The following IGSF23 variants were observed in gnomAD, a reference collection of about 807,000 sequenced individuals.
The protein encoded by IGSF23 is immunoglobulin superfamily, member 23.
A neutral mutation model predicts 17.8 loss-of-function variants in IGSF23; 14 were observed. That is an observed-to-expected ratio of 0.79 (90% CI 0.52 to 1.23). The LOEUF (loss-of-function observed/expected upper bound fraction) is 1.23. IGSF23 is among the 50% of genes most tolerant of loss of function. The pLI is 0.00. For synonymous variants in IGSF23, 85 were observed against 92.5 expected, an observed-to-expected ratio of 0.92 and a Z score of 0.46; for missense variants, 214 against 241.7, an observed-to-expected ratio of 0.89 and a Z score of 0.76.
At chr19:44,623,603 T>A in intron 1 of IGSF23, 104 bp from the exon 2 acceptor site, 1 of 1,162,122 alleles carries the variant, frequency 8.6e-7, no homozygotes. Flanking sequence ...AATGAATGAA[T>A]GAACACATGA....
chr19:44,618,588 C>G (rs1200990789), intron 1 of IGSF23, among the ~76,000 whole-genome samples: 4 of 152,178 alleles, frequency 2.6e-5, no homozygotes, highest in Admixed American at 2.6e-4. Flanking sequence ...TTGTGTTCAG[C>G]TGTTGGGGTG....
chr19:44,617,943 C>T, intron 1 of IGSF23: 1 of 364,730 alleles, frequency 2.7e-6, no homozygotes, highest in South Asian at 2.0e-5. Context: ...GAGAAGTCAG[C>T]CTTTCAGGCA....
intron 1 of IGSF23, chr19:44,618,089 A>T (rs759804730): frequency 1.1e-5 from 5 of 470,896 alleles, no homozygotes; most frequent in Admixed American, 2.4e-5. Flanking sequence ...CCCTGCTCAC[A>T]TCCTGCACCT....
intron 2 of IGSF23, among the ~76,000 whole-genome samples, chr19:44,624,899 C>CAA (rs71171273): frequency 0.02 from 1,791 of 87,612 alleles, 25 homozygotes; most frequent in Non-Finnish European, 0.03. Flanking sequence ...CTGTCTCTAC[C>CAA]AAAAAAAAAA....
chr19:44,623,550 C>A (rs1187171787), intron 1 of IGSF23, among the ~76,000 whole-genome samples, 157 bp from the exon 2 acceptor site: 1 of 152,186 alleles, frequency 6.6e-6, no homozygotes, highest in Non-Finnish European at 1.5e-5. Context: ...ACTGGGGGCA[C>A]TGGGCACAGA....
intron 3 of IGSF23, among the ~76,000 whole-genome samples, chr19:44,635,053 C>T (rs958572523): frequency 6.6e-6 from 1 of 152,164 alleles, no homozygotes; most frequent in African/African-American, 2.4e-5. Flanking sequence ...AGTCTGGATG[C>T]TGGAAGTCCA....
Position 44,629,351 on chromosome 19 carries a change from A to G in IGSF23, c.545+1778A>G, listed in dbSNP as rs75331360. ...AGGATCACTTGAGCCTAGGAGTTTG[A>G]GACCGGCCTGGGCAACATAGTGAGA... On this transcript the variant is annotated intron_variant, in intron 3 of 4. Coordinates refer to ENST00000402988, the MANE Select transcript of IGSF23 (RefSeq NM_001205280.2). Among the ~76,000 whole-genome samples, 1,283 of 152,224 alleles carry G rather than the reference A, an allele frequency of 8.4e-3. 23 individuals carry two copies. The highest frequency in any genetic ancestry group is 0.029 in the African/African-American group (1,210 of 41,532).
At position 44,613,660 on chromosome 19, in the gene IGSF23, T is replaced by G. The variant is rs573654181; in HGVS notation, c.15T>G (p.Pro5=). The change falls in exon 1 of 5, where the codon CCT becomes CCG. Residue 5 remains proline, a synonymous_variant. Transcript: ENST00000402988. MRAK[P]QSPLPRNPVP... The stretch of plus-strand genomic sequence containing the variant: ...ACGGTGAGAGAATGAGAGCAAAACC[T>G]CAGAGCCCCCTTCCCAGGAACCCTG... The G allele has an allele frequency of 6.5e-7, 1 of 1,548,886 alleles. No individual in the cohort carries two copies. Among genetic ancestry groups the G allele is most frequent in the African/African-American group, 1.4e-5 (1 of 73,116 alleles).
intron 3 of IGSF23, among the ~76,000 whole-genome samples, chr19:44,628,888 AC>A (rs1448802057): frequency 6.6e-6 from 1 of 152,180 alleles, no homozygotes; most frequent in Non-Finnish European, 1.5e-5. Flanking sequence ...CCTCCCTGGG[AC>A]AGTGACATTT....
chr19:44,635,881 T>C (rs1972878634), intron 4 of IGSF23, among the ~76,000 whole-genome samples: 1 of 152,258 alleles, frequency 6.6e-6, no homozygotes, highest in Admixed American at 6.5e-5. Flanking sequence ...CAGCCATTTA[T>C]TTAGCTTGCA....
intron 1 of IGSF23, among the ~76,000 whole-genome samples, chr19:44,622,217 A>AT (rs1972538515): frequency 6.6e-6 from 1 of 151,932 alleles, no homozygotes; most frequent in Non-Finnish European, 1.5e-5. Flanking sequence ...AGAAAAAAAA[A>AT]AAAAAAAGAG....
chr19:44,629,575 A>T (rs1472705987), intron 3 of IGSF23, among the ~76,000 whole-genome samples: 2 of 152,036 alleles, frequency 1.3e-5, no homozygotes, highest in Non-Finnish European at 2.9e-5. Context: ...AAATTAAAAA[A>T]ATAATGTTTT....
intron 3 of IGSF23, 50 bp downstream of exon 3, chr19:44,627,623 C>G (rs1020048924): frequency 7.6e-5 from 115 of 1,509,754 alleles, no homozygotes; most frequent in Non-Finnish European, 9.9e-5. Context: ...ACTCAGCCCC[C>G]ATGGGGCACA....
At position 44,629,237 on chromosome 19, in the gene IGSF23, C is replaced by T. The variant is rs536822965; in HGVS notation, c.545+1664C>T. 5.1e-4 allele frequency among the ~76,000 whole-genome samples: 78 copies of T among 152,218 alleles called. No individual in the cohort carries two copies. In the South Asian group the frequency reaches 0.016, roughly 32 times the overall value. ...ACTTATATTTGATCCTATATGTTGG[C>T]TAGTACTACAACGCTATTAATATCT... On this transcript the variant is annotated intron_variant, in intron 3 of 4. Coordinates refer to ENST00000402988, the MANE Select transcript of IGSF23 (RefSeq NM_001205280.2).
Position 44,627,448 on chromosome 19 carries a change from G to C in IGSF23, c.420G>C (p.Glu140Asp), listed in dbSNP as rs1268742567. The C allele has an allele frequency of 1.9e-6, 3 of 1,548,458 alleles. No homozygotes were observed. The East Asian group carries it at 7.3e-5, about 38-fold the overall frequency. ...CCATCATGCAGCCCACAGAAGCAGAGCCCATGGAGCCAGACCCCACTCTGT... is the reference window on the plus strand; with the variant it reads ...CCATCATGCAGCCCACAGAAGCAGACCCCATGGAGCCAGACCCCACTCTGT... Reference protein sequence around the residue: ...PKPIMQPTEAEPMEPDPTLSL... With the variant: ...PKPIMQPTEADPMEPDPTLSL... The change falls in exon 3 of 5, where the codon GAG becomes GAC. Residue 140 changes from glutamate to aspartate, a missense_variant. Coordinates refer to ENST00000402988, the MANE Select transcript of IGSF23 (RefSeq NM_001205280.2).
In IGSF23 at chr19:44,627,574, G is replaced by A. The variant is rs148471770; in HGVS notation, c.545+1G>A. 2.0e-4 allele frequency: 312 copies of A among 1,549,200 alleles called. 1 individual carries two copies. In the African/African-American group the frequency reaches 3.9e-3, roughly 20 times the overall value. On this transcript the variant is annotated splice_donor_variant, in intron 3 of 4. Transcript: ENST00000402988. LOFTEE classifies it high-confidence loss of function. ...GTTTCATCATCATCCAGAGCCTAAGGTACCTCTATCCCTCACCCCCGTCCA... is the reference window on the plus strand; with the variant it reads ...GTTTCATCATCATCCAGAGCCTAAGATACCTCTATCCCTCACCCCCGTCCA...
intron 2 of IGSF23, among the ~76,000 whole-genome samples, chr19:44,625,850 C>A (rs975805399): frequency 6.6e-6 from 1 of 152,082 alleles, no homozygotes; most frequent in African/African-American, 2.4e-5. Context: ...TCGTGATAGT[C>A]AATAAGTCTC....
At chr19:44,627,695 A>C in intron 3 of IGSF23, 122 bp downstream of exon 3, 2 of 1,111,464 alleles carry the variant, frequency 1.8e-6, no homozygotes, top group Non-Finnish European at 1.3e-6. Context: ...GGTGATAGCG[A>C]CTCCTGAGGA....
At chr19:44,631,057 C>A (rs1708095978) in intron 3 of IGSF23, among the ~76,000 whole-genome samples, 1 of 148,020 alleles carries the variant, frequency 6.8e-6, no homozygotes, top group South Asian at 2.2e-4. Flanking sequence ...GAGTTTGAGA[C>A]CAGCCTGGGC....
Sources: allele counts gnomAD v4.1 joint callset (sites outside exome capture counted in the v4.1 genomes callset), GRCh38; gene constraint gnomAD v4.1.1; transcripts MANE v1.5; gene names NCBI Gene and HGNC (gene_info 2026-07-23, HGNC 2026-07-21).